The following FGF1 variants were observed in gnomAD, a reference collection of about 807,000 sequenced individuals.
The protein encoded by FGF1 is beta-endothelial cell growth factor.
A neutral mutation model predicts 13.4 loss-of-function variants in FGF1; 9 were observed. The observed-to-expected ratio is 0.67, with a 90% confidence interval of 0.40 to 1.17. The LOEUF (loss-of-function observed/expected upper bound fraction) is 1.17. Ranked by LOEUF, FGF1 falls within the 50% of genes most tolerant of loss-of-function variation. The probability of loss-of-function intolerance (pLI) is 0.01; values close to 1 mark genes in which losing one functional copy is unlikely to be tolerated. For missense variants in FGF1, 156 were observed against 192.7 expected, an observed-to-expected ratio of 0.81 and a Z score of 1.13; for synonymous variants, 93 against 79.0, an observed-to-expected ratio of 1.18 and a Z score of -0.94.
At position 142,592,742 on chromosome 5, in the gene FGF1, T is replaced by C. The variant is rs1307641988; in HGVS notation, c.*2548A>G. ...CCCTGAAGCTGACCCGGTTCTAAAGTTGAAAATGCTAAGTTTACCTTGCCA... is the reference window on the plus strand; with the variant it reads ...CCCTGAAGCTGACCCGGTTCTAAAGCTGAAAATGCTAAGTTTACCTTGCCA... On this transcript the variant is annotated 3_prime_UTR_variant, in exon 4 of 4. Coordinates refer to ENST00000337706, the MANE Select transcript of FGF1 (RefSeq NM_000800.5). 3.3e-6 allele frequency: 1 copy of C among 305,228 alleles called. No homozygotes were observed. The highest frequency in any genetic ancestry group is 6.0e-6 in the Non-Finnish European group (1 of 167,514). The allele number at this position is 305,228 out of a possible 1,614,324, so 18.9% of individuals were successfully genotyped here.
At chr5:142,666,043 C>T (rs1770242053) in intron 1 of FGF1, among the ~76,000 whole-genome samples, 2 of 152,124 alleles carry the variant, frequency 1.3e-5, no homozygotes, top group South Asian at 2.1e-4. Context: ...CAGGAAAACC[C>T]AGACTTTTGC....
chr5:142,638,128 C>T (rs1289014539), intron 1 of FGF1, among the ~76,000 whole-genome samples: 1 of 152,030 alleles, frequency 6.6e-6, no homozygotes, highest in Non-Finnish European at 1.5e-5. Flanking sequence ...ACCCACTCTG[C>T]CCCCAAGCTC....
intron 2 of FGF1, among the ~76,000 whole-genome samples, chr5:142,692,012 T>C (rs1319311423): frequency 6.6e-6 from 1 of 152,204 alleles, no homozygotes; most frequent in Non-Finnish European, 1.5e-5. Flanking sequence ...ACTATCTCCA[T>C]TGATTTGTCA....
intron 2 of FGF1, among the ~76,000 whole-genome samples, chr5:142,692,880 CTTAT>C (rs1752472482): frequency 6.6e-6 from 1 of 152,136 alleles, no homozygotes; most frequent in South Asian, 2.1e-4. Context: ...TCCCCAGTTT[CTTAT>C]TTAAATTCCT....
intron 1 of FGF1, among the ~76,000 whole-genome samples, chr5:142,664,876 A>G (rs970215184): frequency 5.3e-5 from 8 of 152,182 alleles, no homozygotes; most frequent in South Asian, 4.1e-4. Context: ...CCTCTTTTCT[A>G]TAATGGAGAT....
At chr5:142,601,230 G>C (rs1024210159) in intron 2 of FGF1, 1 of 442,500 alleles carries the variant, frequency 2.3e-6, no homozygotes, top group African/African-American at 2.0e-5. Context: ...CATGTGTTCT[G>C]CTTTCATTAT....
intron 1 of FGF1, among the ~76,000 whole-genome samples, chr5:142,661,605 A>C (rs4912873): frequency 4.6e-5 from 7 of 152,232 alleles, no homozygotes; most frequent in Non-Finnish European, 1.5e-5. Context: ...AGCAAAAGGT[A>C]GCATATCCAT....
chr5:142,657,843 T>C (rs10036174), intron 1 of FGF1, among the ~76,000 whole-genome samples: 19,516 of 152,204 alleles, frequency 0.13, 2,621 homozygotes, highest in African/African-American at 0.34. Context: ...GCTTAGTATC[T>C]TGCCCTGGCT....
At chr5:142,663,012 T>C (rs1769558964) in intron 1 of FGF1, among the ~76,000 whole-genome samples, 1 of 152,034 alleles carries the variant, frequency 6.6e-6, no homozygotes, top group Non-Finnish European at 1.5e-5. Flanking sequence ...GTTGTAGAGA[T>C]GGGGTCTTGC....
chr5:142,653,278 C>T (rs576311261), intron 1 of FGF1, among the ~76,000 whole-genome samples: 1 of 152,328 alleles, frequency 6.6e-6, no homozygotes, highest in South Asian at 2.1e-4. Context: ...ATAATTACAA[C>T]AGTCACGGCA....
chr5:142,687,021 T>C (rs1239841837), upstream of FGF1, among the ~76,000 whole-genome samples: 2 of 152,192 alleles, frequency 1.3e-5, no homozygotes, highest in African/African-American at 2.4e-5. Flanking sequence ...TCAAGAGCTG[T>C]CTTTGAAGAA....
chr5:142,672,823 T>C (rs911179720), intron 1 of FGF1, among the ~76,000 whole-genome samples: 4 of 152,186 alleles, frequency 2.6e-5, no homozygotes, highest in Admixed American at 6.5e-5. Flanking sequence ...AGTTTTTAAA[T>C]TAACTAGCAA....
chr5:142,643,111 T>C (rs1765452841), intron 1 of FGF1, among the ~76,000 whole-genome samples: 1 of 152,212 alleles, frequency 6.6e-6, no homozygotes, highest in Admixed American at 6.5e-5. Context: ...CCATGGCTTC[T>C]GCCTCCTCAT....
chr5:142,680,647 G>C (rs2152049538), intron 1 of FGF1: 1 of 152,298 alleles, frequency 6.6e-6, no homozygotes, highest in East Asian at 1.9e-4. Flanking sequence ...AGTGTACCCA[G>C]CACATAATAA....
At chr5:142,608,061 G>A (rs549182126) in intron 2 of FGF1, among the ~76,000 whole-genome samples, 1 of 152,340 alleles carries the variant, frequency 6.6e-6, no homozygotes, top group Admixed American at 6.5e-5. Context: ...GATCCTGCCA[G>A]TGCCAAGAGA....
chr5:142,655,283 G>A (rs1321251314), intron 1 of FGF1, among the ~76,000 whole-genome samples: 2 of 152,146 alleles, frequency 1.3e-5, no homozygotes, highest in Non-Finnish European at 2.9e-5. Flanking sequence ...CACTGCCTAG[G>A]TATCACACAT....
intron 1 of FGF1, among the ~76,000 whole-genome samples, chr5:142,624,245 T>A (rs1250597546): frequency 6.6e-6 from 1 of 152,078 alleles, no homozygotes; most frequent in Non-Finnish European, 1.5e-5. Context: ...AAAATTCTTT[T>A]TTGTAGAGAT....
intron 1 of FGF1, among the ~76,000 whole-genome samples, chr5:142,682,171 T>C (rs10428532): frequency 0.34 from 51,335 of 151,718 alleles, 9,537 homozygotes; most frequent in African/African-American, 0.5. Context: ...CTGCAAACTC[T>C]GCCTCCCAGG....
intron 1 of FGF1, among the ~76,000 whole-genome samples, chr5:142,622,939 G>C (rs73797921): frequency 0.03 from 4,626 of 152,284 alleles, 264 homozygotes; most frequent in African/African-American, 0.1. Context: ...TTGACTATGG[G>C]ATGGACTTGA....
Sources: gnomAD v4.1 joint callset for allele counts (sites outside exome capture counted in the v4.1 genomes callset) on GRCh38, gnomAD v4.1.1 for gene constraint, MANE v1.5 for transcripts, NCBI Gene and HGNC (gene_info 2026-07-23, HGNC 2026-07-21) for gene names.